SCFD2: variants seen among roughly 807,000 people sequenced by gnomAD.
SCFD2 encodes the protein sec1 family domain containing 2, also known as sec1 family domain-containing protein 2.
Under a neutral mutation model 58.9 loss-of-function variants are expected in SCFD2, and 54 were observed. The ratio of observed to expected loss-of-function variants is 0.92; its 90% CI spans 0.74 to 1.15. SCFD2 has a LOEUF of 1.15. SCFD2 is among the 50% of genes most tolerant of loss of function. The probability of loss-of-function intolerance (pLI) is 0.00; values close to 1 mark genes in which losing one functional copy is unlikely to be tolerated. For synonymous variants in SCFD2, 321 were observed against 335.9 expected (o/e 0.96, Z 0.49); for missense variants, 805 against 836.6 (o/e 0.96, Z 0.47).
chr4:52,965,245 G>C (rs301089), intron 5 of SCFD2, among the ~76,000 whole-genome samples: 1 of 151,784 alleles, frequency 6.6e-6, no homozygotes, highest in Non-Finnish European at 1.5e-5. Context: ...AAGCCCCCCC[G>C]CAAAAAATGA....
chr4:52,969,302 T>G (rs1721038609), intron 5 of SCFD2, among the ~76,000 whole-genome samples: 1 of 152,256 alleles, frequency 6.6e-6, no homozygotes. Context: ...TTCCTTACTG[T>G]GCTTTAGTAA....
chr4:53,122,274 G>T (rs144171234), intron 5 of SCFD2, among the ~76,000 whole-genome samples: 10 of 152,210 alleles, frequency 6.6e-5, no homozygotes, highest in African/African-American at 2.4e-4. Flanking sequence ...TTACTCAGGA[G>T]GCTGAGAAAG....
intron 5 of SCFD2, among the ~76,000 whole-genome samples, chr4:52,989,294 C>T (rs1287092324): frequency 6.6e-6 from 1 of 152,182 alleles, no homozygotes; most frequent in African/African-American, 2.4e-5. Context: ...CTATGCCCAT[C>T]AATTTCTCCT....
At chr4:53,273,703 T>C (rs531224962) in intron 4 of SCFD2, 123 bp downstream of exon 4, 1 of 869,088 alleles carries the variant, frequency 1.2e-6, no homozygotes, top group African/African-American at 1.7e-5. Context: ...ACTTAGAGAA[T>C]ATGAAGCAGG....
chr4:53,329,059 C>T (rs945672595), intron 2 of SCFD2, among the ~76,000 whole-genome samples: 17 of 152,244 alleles, frequency 1.1e-4, no homozygotes, highest in Non-Finnish European at 2.1e-4. Context: ...CGGCACACCA[C>T]GAGATTATAT....
intron 5 of SCFD2, among the ~76,000 whole-genome samples, chr4:53,144,620 A>G (rs1726267806): frequency 6.6e-6 from 1 of 150,870 alleles, no homozygotes; most frequent in Non-Finnish European, 1.5e-5. Flanking sequence ...GTAACATCTC[A>G]AAGAAACAGT....
chr4:52,932,111 T>C (rs138314575), intron 5 of SCFD2, among the ~76,000 whole-genome samples: 17 of 152,314 alleles, frequency 1.1e-4, no homozygotes, highest in Non-Finnish European at 1.9e-4. Flanking sequence ...GTTTAAAAAA[T>C]AGTGCCAAAG....
At chr4:53,130,152 A>G (rs1292448968) in intron 5 of SCFD2, among the ~76,000 whole-genome samples, 2 of 152,238 alleles carry the variant, frequency 1.3e-5, no homozygotes, top group African/African-American at 2.4e-5. Context: ...ATAAAAAAGT[A>G]TGACTTCTGT....
intron 4 of SCFD2, among the ~76,000 whole-genome samples, chr4:53,219,062 C>T (rs1237026384): frequency 6.6e-6 from 1 of 152,188 alleles, no homozygotes; most frequent in South Asian, 2.1e-4. Flanking sequence ...GAGGGTGCCT[C>T]CCCTTTAGGC....
chr4:53,083,260 A>G (rs1724203028), intron 5 of SCFD2, among the ~76,000 whole-genome samples: 1 of 152,190 alleles, frequency 6.6e-6, no homozygotes, highest in Non-Finnish European at 1.5e-5. Context: ...TATTCTTGAG[A>G]ATACTTAATT....
At chr4:53,169,061 A>ATG (rs1727097565) in intron 4 of SCFD2, among the ~76,000 whole-genome samples, 1 of 152,196 alleles carries the variant, frequency 6.6e-6, no homozygotes, top group Non-Finnish European at 1.5e-5. Context: ...GTTGTCGCAA[A>ATG]TGAATGATTC....
chr4:53,325,146 G>C (rs1156407746), intron 2 of SCFD2, among the ~76,000 whole-genome samples: 1 of 149,632 alleles, frequency 6.7e-6, no homozygotes, highest in East Asian at 2.0e-4. Context: ...CTCTCCTTAA[G>C]AACGTAATAT....
At chr4:53,041,956 T>C (rs1400267506) in intron 5 of SCFD2, among the ~76,000 whole-genome samples, 1 of 152,166 alleles carries the variant, frequency 6.6e-6, no homozygotes, top group Non-Finnish European at 1.5e-5. Context: ...TTCCACTTTG[T>C]TAAGACAAGC....
intron 4 of SCFD2, among the ~76,000 whole-genome samples, chr4:53,197,802 G>T (rs1480108626): frequency 6.8e-6 from 1 of 147,362 alleles, no homozygotes; most frequent in Admixed American, 6.8e-5. Flanking sequence ...AAAATGAAAT[G>T]CAGAGCTGGT....
rs1726296836 is a variant in SCFD2 at position 53,145,402 on chromosome 4, C to T, written c.1492G>A (p.Val498Ile). 2 of 1,614,038 alleles carry T rather than the reference C, an allele frequency of 1.2e-6. No homozygotes were observed. Among genetic ancestry groups the T allele is most frequent in the Non-Finnish European group, 1.7e-6 (2 of 1,180,026 alleles). Residue 498 changes from valine to isoleucine, a missense_variant, in exon 5 of 9, where the codon GTC (valine) becomes ATC (isoleucine). Physicochemically the swap from Val to Ile is conservative, Grantham distance 29. Transcript: ENST00000401642. ...DKDLCEAEEK[V>I]KKALAQVFCE... ...AAGACCTGAGCCAATGCTTTCTTGA[C>T]TTTTTCTTCTGCTTCACACAGGTCT...
intron 4 of SCFD2, among the ~76,000 whole-genome samples, chr4:53,186,325 T>A (rs568855917): frequency 6.6e-6 from 1 of 152,204 alleles, no homozygotes; most frequent in South Asian, 2.1e-4. Flanking sequence ...CTTACCATAG[T>A]TCCCCCTAAA....
intron 5 of SCFD2, among the ~76,000 whole-genome samples, chr4:53,054,906 G>C (rs367732169): frequency 1.3e-5 from 2 of 152,064 alleles, no homozygotes; most frequent in African/African-American, 4.8e-5. Flanking sequence ...TGTCCACTTC[G>C]GCCTCCCAAA....
chr4:53,033,062 T>C (rs1364037753), intron 5 of SCFD2, among the ~76,000 whole-genome samples: 1 of 152,142 alleles, frequency 6.6e-6, no homozygotes, highest in African/African-American at 2.4e-5. Context: ...GACCACATAA[T>C]TGAAAGTGAA....
intron 3 of SCFD2, among the ~76,000 whole-genome samples, chr4:53,308,371 T>A (rs970154474): frequency 7.2e-5 from 11 of 152,236 alleles, no homozygotes; most frequent in Admixed American, 2.0e-4. Context: ...TCATCCTTTA[T>A]AAATGACCAT....
Sources: gnomAD v4.1 joint callset for allele counts (sites outside exome capture counted in the v4.1 genomes callset) on GRCh38, gnomAD v4.1.1 for gene constraint, MANE v1.5 for transcripts, NCBI Gene and HGNC (gene_info 2026-07-23, HGNC 2026-07-21) for gene names.